The following TPX2 variants were observed in gnomAD, a reference collection of about 807,000 sequenced individuals.
TPX2 encodes the protein targeting protein for Xklp2.
Under a neutral mutation model 93.6 loss-of-function variants are expected in TPX2, and 21 were observed. The ratio of observed to expected loss-of-function variants is 0.22; its 90% confidence interval spans 0.16 to 0.32. The LOEUF (loss-of-function observed/expected upper bound fraction) is 0.32, where lower values mean the gene tolerates loss of function less well. Ranked by LOEUF, TPX2 falls within the 10% of genes least tolerant of loss-of-function variation. The probability of loss-of-function intolerance (pLI) is 1.00; values close to 1 mark genes in which losing one functional copy is unlikely to be tolerated. For synonymous variants in TPX2, 281 were observed against 298.3 expected, an observed-to-expected ratio of 0.94 and a Z score of 0.60; for missense variants, 776 against 871.1, an observed-to-expected ratio of 0.89 and a Z score of 1.37.
At chr20:31,784,030 A>C in intron 12 of TPX2, 109 bp downstream of exon 12, 1 of 1,171,742 alleles carries the variant, frequency 8.5e-7, no homozygotes, top group East Asian at 2.4e-5. Context: ...TCATATTAGG[A>C]ACTGCAGGTG....
At chr20:31,789,585 A>G (rs891287534) in intron 12 of TPX2, among the ~76,000 whole-genome samples, 1 of 152,076 alleles carries the variant, frequency 6.6e-6, no homozygotes, top group Non-Finnish European at 1.5e-5. Context: ...AGGAGCTTAT[A>G]ATTTAAAAAA....
intron 6 of TPX2, among the ~76,000 whole-genome samples, chr20:31,770,771 G>A (rs548204052): frequency 3.3e-4 from 50 of 152,162 alleles, no homozygotes; most frequent in African/African-American, 1.1e-3. Flanking sequence ...ATTTTTATTA[G>A]TTAAGAATGT....
At chr20:31,794,359 C>A in intron 14 of TPX2, 43 bp from the exon 15 acceptor site, 1 of 1,595,334 alleles carries the variant, frequency 6.3e-7, no homozygotes, top group East Asian at 2.2e-5. Context: ...TATTGCTTTC[C>A]AGCTAGTCTT....
chr20:31,746,426 G>C (rs1240760508), intron 2 of TPX2, among the ~76,000 whole-genome samples: 13 of 152,186 alleles, frequency 8.5e-5, no homozygotes, highest in Admixed American at 3.9e-4. Context: ...TATCCCTTGT[G>C]AAAGTAGGAG....
chr20:31,780,292 TC>T (rs2062025298), intron 10 of TPX2, among the ~76,000 whole-genome samples: 1 of 152,070 alleles, frequency 6.6e-6, no homozygotes, highest in Non-Finnish European at 1.5e-5. Flanking sequence ...CCTCAAGTGA[TC>T]CGCCCGCCTC....
At chr20:31,799,369 A>G (rs540264963) in intron 17 of TPX2, among the ~76,000 whole-genome samples, 1 of 152,368 alleles carries the variant, frequency 6.6e-6, no homozygotes, top group East Asian at 1.9e-4. Flanking sequence ...CAAGAGATCT[A>G]TCATATAACA....
intron 9 of TPX2, 73 bp from the exon 10 acceptor site, chr20:31,778,740 C>T (rs2062016878): frequency 9.3e-6 from 13 of 1,391,814 alleles, no homozygotes; most frequent in South Asian, 3.2e-5. Flanking sequence ...TCCTCTGTGC[C>T]GAATATGTGG....
intron 2 of TPX2, among the ~76,000 whole-genome samples, chr20:31,753,956 G>A (rs2061835890): frequency 6.6e-6 from 1 of 152,094 alleles, no homozygotes; most frequent in Non-Finnish European, 1.5e-5. Context: ...AACCCAGGAG[G>A]TGGAGGTTGC....
At chr20:31,757,165 C>T (rs1180988722) in intron 2 of TPX2, among the ~76,000 whole-genome samples, 2 of 152,086 alleles carry the variant, frequency 1.3e-5, no homozygotes, top group Non-Finnish European at 2.9e-5. Flanking sequence ...CCTCCCTCCT[C>T]CCAAAATGCT....
rs181269212 is a variant in TPX2 at position 31,780,522 on chromosome 20, A to G, written c.1054+1538A>G. Among the ~76,000 whole-genome samples, 172 of 152,320 alleles carry G rather than the reference A, an allele frequency of 1.1e-3. 1 individual carries two copies. The highest frequency in any genetic ancestry group is 0.011 in the Admixed American group (170 of 15,294). ...TCAGAGTCTGATATGTCCTGCTTTC[A>G]GAATACTAGTCCTGGCAAAAGGAAA... On this transcript the variant is annotated intron_variant, in intron 10 of 17. Coordinates refer to ENST00000300403, the MANE Select transcript of TPX2 (RefSeq NM_012112.5).
At chr20:31,795,518 G>A (rs1372342759) in intron 15 of TPX2, among the ~76,000 whole-genome samples, 1 of 152,266 alleles carries the variant, frequency 6.6e-6, no homozygotes, top group African/African-American at 2.4e-5. Context: ...GTAGGCCAGA[G>A]TTTGCTGACC....
intron 15 of TPX2, among the ~76,000 whole-genome samples, chr20:31,794,755 AGTGTGTGTGTGTGTGTGTGTGTGT>A (rs35018680): frequency 6.9e-6 from 1 of 145,392 alleles, no homozygotes; most frequent in Non-Finnish European, 1.5e-5. Context: ...TCTGTCGCAT[AGTGTGTGTGTGTGTGTGTGTGTGT>A]GTGTGTGTGT....
rs2061965255 is a variant in TPX2 at position 31,771,655 on chromosome 20, A to G, written c.581A>G (p.His194Arg). The change falls in exon 7 of 18, where the codon CAT becomes CGT. Residue 194 changes from histidine to arginine, a missense_variant. His to Arg is a conservative substitution (Grantham distance 29). Coordinates refer to ENST00000300403, the MANE Select transcript of TPX2 (RefSeq NM_012112.5). ...ASSPEKAKGRHTVPCMPPAKQ... is the reference protein window; with the variant it reads ...ASSPEKAKGRRTVPCMPPAKQ... ...TCCCCAGAGAAAGCCAAGGGTAGAC[A>G]TACTGTGCCTTGTATGCCACCTGCA... is the stretch of plus-strand genomic sequence containing the variant. 6 of 1,613,108 alleles carry G rather than the reference A, an allele frequency of 3.7e-6. No individual in the cohort carries two copies. The South Asian group carries it at 5.5e-5, about 15-fold the overall frequency.
chr20:31,785,866 A>G (rs940548341), intron 12 of TPX2, among the ~76,000 whole-genome samples: 4 of 152,080 alleles, frequency 2.6e-5, no homozygotes, highest in African/African-American at 7.2e-5. Context: ...GTTTTTATTT[A>G]TGTACCACTC....
chr20:31,777,610 C>A lies in TPX2; in HGVS notation c.854C>A (p.Ser285Tyr). The stretch of plus-strand genomic sequence containing the variant: ...GAATATAAGGAAGTGAACTTTACAT[C>A]TGAACTACGAAAGCATCCTTCATCT... The part of the protein sequence containing the change: ...QEEYKEVNFT[S>Y]ELRKHPSSPA... The change falls in exon 9 of 18, where the codon TCT becomes TAT. Residue 285 changes from serine to tyrosine, a missense_variant. Ser to Tyr is a moderately radical substitution (Grantham distance 144). Transcript: ENST00000300403. 6.2e-7 allele frequency: 1 copy of A among 1,613,994 alleles called. No homozygotes were observed. Among genetic ancestry groups the A allele is most frequent in the African/African-American group, 1.3e-5 (1 of 75,050 alleles).
At chr20:31,786,011 C>T (rs997678678) in intron 12 of TPX2, among the ~76,000 whole-genome samples, 4 of 152,102 alleles carry the variant, frequency 2.6e-5, no homozygotes, top group Non-Finnish European at 5.9e-5. Context: ...TACCTTTTGC[C>T]ACAAATAACA....
intron 2 of TPX2, among the ~76,000 whole-genome samples, chr20:31,751,317 T>G (rs1338857022): frequency 6.6e-6 from 1 of 152,170 alleles, no homozygotes; most frequent in Non-Finnish European, 1.5e-5. Context: ...TTTAGTCGTC[T>G]TCATTACATT....
intron 16 of TPX2, among the ~76,000 whole-genome samples, chr20:31,797,963 C>T (rs1034562918): frequency 4.6e-5 from 7 of 152,018 alleles, no homozygotes; most frequent in South Asian, 2.1e-4. Context: ...TTGGGAGGCC[C>T]GGACAGGAGG....
intron 9 of TPX2, 31 bp from the exon 10 acceptor site, chr20:31,778,782 T>G (rs1042373304): frequency 1.3e-5 from 20 of 1,519,850 alleles, no homozygotes; most frequent in Non-Finnish European, 1.8e-5. Context: ...TCCGTGACAT[T>G]TCATTTGGGG....
Sources: allele counts gnomAD v4.1 joint callset (sites outside exome capture counted in the v4.1 genomes callset), GRCh38; gene constraint gnomAD v4.1.1; transcripts MANE v1.5; gene names NCBI Gene and HGNC (gene_info 2026-07-23, HGNC 2026-07-21).